The following PRRC2B variants were observed in gnomAD, a reference collection of about 807,000 sequenced individuals.
PRRC2B encodes the protein protein PRRC2B.
PRRC2B carries 68 observed loss-of-function variants against 242.3 expected under a neutral mutation model. That is an observed-to-expected ratio of 0.28 (90% CI 0.23 to 0.34). The LOEUF is 0.34. Ranked by LOEUF, PRRC2B falls within the 10% of genes least tolerant of loss-of-function variation. PRRC2B has a pLI of 1.00. For synonymous variants in PRRC2B, 1,228 were observed against 1,173.6 expected, an observed-to-expected ratio of 1.05 and a Z score of -0.95; for missense variants, 2,835 against 2,954.8, an observed-to-expected ratio of 0.96 and a Z score of 0.94.
chr9:131,392,498 G>C (rs1836918547), upstream of PRRC2B, among the ~76,000 whole-genome samples: 1 of 151,854 alleles, frequency 6.6e-6, no homozygotes. Context: ...TTGAGCACTG[G>C]GCCAATTCTA....
intron 1 of PRRC2B, among the ~76,000 whole-genome samples, chr9:131,403,908 C>T (rs890562258): frequency 1.3e-5 from 2 of 151,948 alleles, no homozygotes; most frequent in Non-Finnish European, 2.9e-5. Flanking sequence ...TATTTTTAAG[C>T]GTAACTTCTC....
chr9:131,394,201 C>A lies in PRRC2B; in HGVS notation c.-114C>A. On this transcript the variant is annotated 5_prime_UTR_variant, in exon 1 of 32. Coordinates refer to ENST00000683519, the MANE Select transcript of PRRC2B (RefSeq NM_013318.4). ...GCAATCCGCCGCCATCCCGCCGCCCCCGTGCCCGACCGCCGCCCGACTGCC... is the reference window on the plus strand; with the variant it reads ...GCAATCCGCCGCCATCCCGCCGCCCACGTGCCCGACCGCCGCCCGACTGCC... The A allele has an allele frequency of 6.7e-6, 1 of 149,028 alleles. No individual in the cohort carries two copies. The highest frequency in any genetic ancestry group is 1.8e-4 in the South Asian group (1 of 5,646). 9.2% of individuals were successfully genotyped at this position (149,028 alleles called of 1,614,324 possible).
At position 131,476,498 on chromosome 9, in the gene PRRC2B, G is replaced by A; in HGVS notation, c.4369G>A (p.Glu1457Lys). 1 of 1,609,486 alleles carries A rather than the reference G, an allele frequency of 6.2e-7. No individual in the cohort carries two copies. The change falls in exon 16 of 32, where the codon GAG becomes AAG. Residue 1457 changes from glutamate to lysine, a missense_variant. Transcript: ENST00000683519. ...PGGGDTSPRY[E>K]SQQNGTPLKV... ...TGGTGGTGACACCTCCCCTCGCTAT[G>A]AGAGCCAACAGAATGGGACGCCTTT...
At position 131,474,926 on chromosome 9, in the gene PRRC2B, A is replaced by G. The variant is rs1014907975; in HGVS notation, c.2797A>G (p.Thr933Ala). The change falls in exon 16 of 32, where the codon ACG becomes GCG. Residue 933 changes from threonine (T) to alanine (A), a missense_variant. Around this residue, in one of 7 missense-constraint regions of PRRC2B, gnomAD observed 1,536 missense variants for 1,483.1 expected, o/e 1.04. Transcript: ENST00000683519. The part of the protein sequence containing the change: ...RSSSSQHPEQ[T>A]GRTRRSGPIK... ...CTCCAGCAGCCAGCACCCGGAGCAGACGGGCAGGACCCGGAGGTCGGGACC... is the reference window on the plus strand; with the variant it reads ...CTCCAGCAGCCAGCACCCGGAGCAGGCGGGCAGGACCCGGAGGTCGGGACC... 5.0e-6 allele frequency: 8 copies of G among 1,595,164 alleles called. No individual in the cohort carries two copies. The highest frequency in any genetic ancestry group is 6.8e-6 in the Non-Finnish European group (8 of 1,171,418).
Position 131,475,181 on chromosome 9 carries a change from A to G in PRRC2B, c.3052A>G (p.Thr1018Ala), listed in dbSNP as rs758406524. 2 of 1,613,478 alleles carry G rather than the reference A, an allele frequency of 1.2e-6. No homozygotes were observed. The highest frequency in any genetic ancestry group is 1.3e-5 in the African/African-American group (1 of 75,028). Residue 1018 changes from threonine (T) to alanine (A), a missense_variant, in exon 16 of 32, where the codon ACC becomes GCC. Transcript: ENST00000683519. ...CCATGCCACTTTTGGCCGCGAGGCC[A>G]CCAAATTTGAAGAGGAGGAGAAACC... ...PGHATFGREA[T>A]KFEEEEKPDK...
intron 1 of PRRC2B, among the ~76,000 whole-genome samples, chr9:131,423,124 T>C (rs950910007): frequency 1.3e-5 from 2 of 152,214 alleles, no homozygotes; most frequent in East Asian, 3.8e-4. Context: ...AGAAAACGAA[T>C]TCTGTTGCCT....
At chr9:131,464,183 C>T (rs1286052854) in intron 11 of PRRC2B, among the ~76,000 whole-genome samples, 1 of 152,200 alleles carries the variant, frequency 6.6e-6, no homozygotes, top group Non-Finnish European at 1.5e-5. Context: ...CTCAGGTGAT[C>T]CACCCGCCTC....
chr9:131,455,261 A>G (rs1016682264), intron 10 of PRRC2B, 95 bp downstream of exon 10: 1 of 824,284 alleles, frequency 1.2e-6, no homozygotes, highest in Non-Finnish European at 2.0e-6. Context: ...GCAACCTGGA[A>G]TGGCAGACAG....
rs1943033525 is a variant in PRRC2B at position 131,455,057 on chromosome 9, G to T, written c.1121-19G>T. ...TTTTCATTCTTTCTCATTCTTCCTG[G>T]GCCCTCCTGCTGTTGTAGGCCTCCA... On this transcript the variant is annotated intron_variant, in intron 9 of 31. Transcript: ENST00000683519. 2 of 1,593,848 alleles carry T rather than the reference G, an allele frequency of 1.3e-6. No individual in the cohort carries two copies. Among genetic ancestry groups the T allele is most frequent in the Non-Finnish European group, 1.7e-6 (2 of 1,163,772 alleles).
chr9:131,496,088 A>G lies in PRRC2B; in HGVS notation c.*214A>G. The G allele has an allele frequency of 1.7e-6, 1 of 595,232 alleles. No individual in the cohort carries two copies. Among genetic ancestry groups the G allele is most frequent in the Non-Finnish European group, 2.9e-6 (1 of 346,788 alleles). 36.9% of individuals were successfully genotyped at this position (595,232 alleles called of 1,614,324 possible). On this transcript the variant is annotated 3_prime_UTR_variant, in exon 32 of 32. Transcript: ENST00000683519. ...TGACCCGCTTGCTTTGATACGAAAC[A>G]AAAAAGCAGACGACTCCTTCATCCC...
At chr9:131,483,335 G>C (rs1232017093) in intron 22 of PRRC2B, 24 bp from the exon 23 acceptor site, 2 of 1,608,556 alleles carry the variant, frequency 1.2e-6, no homozygotes, top group South Asian at 2.2e-5. Context: ...TCAGTGGGCT[G>C]TGTGGCCTTT....
At chr9:131,488,893 T>A (rs960470810) in intron 28 of PRRC2B, among the ~76,000 whole-genome samples, 3 of 152,160 alleles carry the variant, frequency 2.0e-5, no homozygotes, top group Non-Finnish European at 4.4e-5. Context: ...TCACCCTCCT[T>A]GTCTGGTCTG....
chr9:131,467,674 C>T lies in PRRC2B; in HGVS notation c.1832C>T (p.Ala611Val). The change falls in exon 13 of 32, where the codon GCT becomes GTT. Residue 611 changes from alanine (A) to valine (V), a missense_variant. Physicochemically the swap from Ala to Val is moderately conservative, Grantham distance 64. Coordinates refer to ENST00000683519, the MANE Select transcript of PRRC2B (RefSeq NM_013318.4). ...AGCAGTGAGGAAGAGGCCAGAGAGG[C>T]TGGGTCCCCTGCACAGGAGTTCAAG... is the stretch of plus-strand genomic sequence containing the variant. ...SNSSEEEARE[A>V]GSPAQEFKYQ... is the part of the protein sequence containing the mutation. 2 of 1,613,980 alleles carry T rather than the reference C, an allele frequency of 1.2e-6. No individual in the cohort carries two copies. Among genetic ancestry groups the T allele is most frequent in the Non-Finnish European group, 1.7e-6 (2 of 1,179,886 alleles).
intron 22 of PRRC2B, among the ~76,000 whole-genome samples, chr9:131,483,111 C>T (rs550660415): frequency 6.6e-6 from 1 of 152,228 alleles, no homozygotes; most frequent in South Asian, 2.1e-4. Context: ...TTCACTGACA[C>T]CAGACAGGCC....
intron 12 of PRRC2B, among the ~76,000 whole-genome samples, chr9:131,466,546 T>C (rs1943400251): frequency 6.6e-6 from 1 of 152,210 alleles, no homozygotes; most frequent in Non-Finnish European, 1.5e-5. Flanking sequence ...TACACAGCAT[T>C]TCCATATGTT....
At chr9:131,409,987 G>T (rs1255818881) in intron 1 of PRRC2B, among the ~76,000 whole-genome samples, 1 of 152,216 alleles carries the variant, frequency 6.6e-6, no homozygotes, top group Non-Finnish European at 1.5e-5. Context: ...ACTGAAAGAA[G>T]CCCATGTATT....
intron 9 of PRRC2B, among the ~76,000 whole-genome samples, chr9:131,454,692 G>A (rs1040319813): frequency 6.6e-6 from 1 of 151,792 alleles, no homozygotes; most frequent in Non-Finnish European, 1.5e-5. Context: ...CTGGAGTGCA[G>A]TGGCATGATC....
intron 5 of PRRC2B, among the ~76,000 whole-genome samples, chr9:131,441,754 T>C (rs935128614): frequency 2.0e-5 from 3 of 152,158 alleles, no homozygotes; most frequent in African/African-American, 4.8e-5. Flanking sequence ...CCTGAATTGA[T>C]AGACTCAGTT....
chr9:131,464,213 A>G (rs917920509), intron 11 of PRRC2B, among the ~76,000 whole-genome samples: 2 of 152,232 alleles, frequency 1.3e-5, no homozygotes, highest in Non-Finnish European at 2.9e-5. Flanking sequence ...AAGTGCTGGG[A>G]TTACAGGCGT....
Sources: gnomAD v4.1 joint callset for allele counts (sites outside exome capture counted in the v4.1 genomes callset) on GRCh38, gnomAD v4.1.1 for gene constraint, gnomAD v4.1.1 regional missense constraint, MANE v1.5 for transcripts, NCBI Gene and HGNC (gene_info 2026-07-23, HGNC 2026-07-21) for gene names.